ELF2: variants seen among roughly 807,000 people sequenced by gnomAD.
ELF2 encodes ETS-related transcription factor Elf-2.
ELF2 carries 11 observed loss-of-function variants against 54.8 expected under a neutral mutation model. That is an observed-to-expected ratio of 0.20 (90% CI 0.13 to 0.33). The LOEUF (loss-of-function observed/expected upper bound fraction) is 0.33. ELF2 is among the 10% of genes least tolerant of loss of function. ELF2 has a pLI of 1.00. For missense variants in ELF2, 513 were observed against 703.0 expected (o/e 0.73, Z 3.06); for synonymous variants, 203 against 245.1 (o/e 0.83, Z 1.61).
chr4:139,085,495 C>A (rs573128045), intron 4 of ELF2, among the ~76,000 whole-genome samples: 2 of 152,076 alleles, frequency 1.3e-5, no homozygotes, highest in African/African-American at 2.4e-5. Flanking sequence ...AATATTAATG[C>A]GATATCATCT....
chr4:139,093,148 G>C (rs1732862335), intron 4 of ELF2, among the ~76,000 whole-genome samples: 1 of 151,788 alleles, frequency 6.6e-6, no homozygotes, highest in African/African-American at 2.4e-5. Context: ...TGTATTTTTA[G>C]TAGAGACGGG....
At chr4:139,165,968 T>C (rs1741677397) in intron 1 of ELF2, among the ~76,000 whole-genome samples, 1 of 152,226 alleles carries the variant, frequency 6.6e-6, no homozygotes, top group African/African-American at 2.4e-5. Context: ...TCTTTGTCAA[T>C]TGCTGATTAT....
At chr4:139,114,827 G>A in intron 4 of ELF2, 1 of 1,571,086 alleles carries the variant, frequency 6.4e-7, no homozygotes, top group East Asian at 2.3e-5. Context: ...CCCTGCTCAT[G>A]GCACCAGGCC....
At chr4:139,157,267 GTAT>G (rs774210688) in intron 1 of ELF2, among the ~76,000 whole-genome samples, 21 of 152,120 alleles carry the variant, frequency 1.4e-4, no homozygotes, top group Non-Finnish European at 1.3e-4. Context: ...TAAAACTAAG[GTAT>G]TATAATCTTA....
intron 1 of ELF2, among the ~76,000 whole-genome samples, chr4:139,139,891 T>C (rs1738539405): frequency 1.3e-5 from 2 of 151,850 alleles, no homozygotes; most frequent in South Asian, 2.1e-4. Context: ...GTTTGAAAAA[T>C]AGGACTAGCC....
In ELF2 at chr4:139,058,108, G is replaced by A. The variant is rs1488320068; in HGVS notation, c.*875C>T. On this transcript the variant is annotated 3_prime_UTR_variant, in exon 10 of 10. Coordinates refer to ENST00000686138, the MANE Select transcript of ELF2 (RefSeq NM_001331036.3). ...TCCAAGTGACAGCAGAACTGAAAAT[G>A]GTATGTCTGCACAAATGCCAAGGCT... 1 of 152,440 alleles carries A rather than the reference G, an allele frequency of 6.6e-6. No individual in the cohort carries two copies. Among genetic ancestry groups the A allele is most frequent in the Non-Finnish European group, 1.5e-5 (1 of 68,004 alleles). 9.4% of individuals were successfully genotyped at this position (152,440 alleles called of 1,614,324 possible).
chr4:139,083,796 C>A (rs1233157854), intron 4 of ELF2, among the ~76,000 whole-genome samples: 1 of 152,210 alleles, frequency 6.6e-6, no homozygotes, highest in Admixed American at 6.5e-5. Flanking sequence ...TGGGGTGAAG[C>A]GCACAACTCG....
intron 1 of ELF2, among the ~76,000 whole-genome samples, chr4:139,172,829 C>A (rs1742443035): frequency 8.1e-6 from 1 of 124,102 alleles, no homozygotes; most frequent in Non-Finnish European, 1.6e-5. Flanking sequence ...TTCAATACTA[C>A]CTGAGATTTC....
intron 4 of ELF2, among the ~76,000 whole-genome samples, chr4:139,100,077 TTATA>T (rs1373955430): frequency 6.6e-6 from 1 of 152,208 alleles, no homozygotes; most frequent in African/African-American, 2.4e-5. Flanking sequence ...GGAAGGGATA[TTATA>T]TAATGCATCA....
chr4:139,139,830 T>C (rs1738532995), intron 1 of ELF2, among the ~76,000 whole-genome samples: 2 of 152,148 alleles, frequency 1.3e-5, no homozygotes, highest in Admixed American at 6.5e-5. Flanking sequence ...TAACAGGTTC[T>C]TAGTAAGTGG....
intron 7 of ELF2, among the ~76,000 whole-genome samples, chr4:139,063,664 A>G (rs780893972): frequency 9.2e-5 from 14 of 152,240 alleles, no homozygotes; most frequent in Admixed American, 1.3e-4. Flanking sequence ...CAACAATGCA[A>G]GAAATAAATA....
At chr4:139,160,728 C>A (rs568485962) in intron 1 of ELF2, among the ~76,000 whole-genome samples, 4 of 151,866 alleles carry the variant, frequency 2.6e-5, no homozygotes, top group African/African-American at 9.7e-5. Flanking sequence ...TTTGGGAGGC[C>A]GAGGCGGGTG....
intron 4 of ELF2, among the ~76,000 whole-genome samples, chr4:139,095,628 T>C (rs1733184811): frequency 6.6e-6 from 1 of 152,364 alleles, no homozygotes; most frequent in Non-Finnish European, 1.5e-5. Context: ...TCTAGTCACA[T>C]GGCTACTACA....
At chr4:139,072,851 A>T (rs1422985217) in intron 5 of ELF2, among the ~76,000 whole-genome samples, 1 of 152,226 alleles carries the variant, frequency 6.6e-6, no homozygotes, top group African/African-American at 2.4e-5. Context: ...GGTTGCTCTT[A>T]TTGTGAATCC....
intron 6 of ELF2, among the ~76,000 whole-genome samples, chr4:139,069,793 C>G (rs544141622): frequency 1.4e-4 from 21 of 152,064 alleles, no homozygotes; most frequent in Non-Finnish European, 2.6e-4. Flanking sequence ...TAACGATACT[C>G]TTATTCTTCA....
At chr4:139,131,997 T>C (rs1382512910) in intron 3 of ELF2, among the ~76,000 whole-genome samples, 1 of 152,132 alleles carries the variant, frequency 6.6e-6, no homozygotes, top group Non-Finnish European at 1.5e-5. Context: ...TGATTCCATT[T>C]ATATATTTAT....
intron 3 of ELF2, among the ~76,000 whole-genome samples, chr4:139,128,170 G>A (rs1311715700): frequency 1.3e-5 from 2 of 151,986 alleles, no homozygotes; most frequent in Non-Finnish European, 2.9e-5. Flanking sequence ...AGCTACTTGG[G>A]AGGCTGAGGC....
chr4:139,169,267 G>A (rs1454540071), intron 1 of ELF2, among the ~76,000 whole-genome samples: 2 of 149,706 alleles, frequency 1.3e-5, no homozygotes, highest in Admixed American at 6.7e-5. Flanking sequence ...AGAATCACTT[G>A]AACCCGGGAG....
intron 3 of ELF2, 150 bp downstream of exon 3, chr4:139,137,480 C>T: frequency 1.3e-6 from 1 of 760,522 alleles, no homozygotes; most frequent in South Asian, 1.8e-5. Context: ...CTTCTATTAC[C>T]TAAATTATAT....
Sources: allele counts gnomAD v4.1 joint callset (sites outside exome capture counted in the v4.1 genomes callset), GRCh38; gene constraint gnomAD v4.1.1; transcripts MANE v1.5; gene names NCBI Gene and HGNC (gene_info 2026-07-23, HGNC 2026-07-21).